Variants in MYO18B observed in about 807,000 individuals in gnomAD.
MYO18B encodes the protein myosin XVIIIB.
MYO18B carries 204 observed loss-of-function variants against 273.0 expected under a neutral mutation model. That is an observed-to-expected ratio of 0.75 (90% CI 0.67 to 0.84). The LOEUF is 0.84. Ranked by LOEUF, MYO18B falls within the 40% of genes least tolerant of loss-of-function variation. MYO18B has a pLI of 0.00. For missense variants in MYO18B, 3,212 were observed against 3,287.6 expected, an observed-to-expected ratio of 0.98 and a Z score of 0.56; for synonymous variants, 1,330 against 1,305.7, an observed-to-expected ratio of 1.02 and a Z score of -0.40.
intron 33 of MYO18B, among the ~76,000 whole-genome samples, chr22:25,919,270 G>A (rs2092306679): frequency 6.6e-6 from 1 of 152,062 alleles, no homozygotes; most frequent in African/African-American, 2.4e-5. Flanking sequence ...CAGAATTAAA[G>A]ACTAAAACAC....
chr22:25,909,864 G>A (rs895286322), intron 32 of MYO18B, among the ~76,000 whole-genome samples: 2 of 152,202 alleles, frequency 1.3e-5, no homozygotes, highest in African/African-American at 4.8e-5. Flanking sequence ...AAGAGCTGGG[G>A]TCAGGAGAGA....
intron 19 of MYO18B, among the ~76,000 whole-genome samples, chr22:25,846,966 G>A (rs571783854): frequency 5.3e-5 from 8 of 151,964 alleles, no homozygotes; most frequent in African/African-American, 9.7e-5. Flanking sequence ...CTGTAGTCCC[G>A]CTACTTGGGA....
intron 5 of MYO18B, 48 bp from the exon 6 acceptor site, chr22:25,770,824 C>T (rs1032473189): frequency 4.8e-5 from 66 of 1,386,864 alleles, no homozygotes; most frequent in Non-Finnish European, 6.4e-5. Flanking sequence ...CCCTCTTCCC[C>T]TCCCATCTCC....
intron 26 of MYO18B, 90 bp downstream of exon 26, chr22:25,890,965 A>G: frequency 1.3e-6 from 2 of 1,500,908 alleles, no homozygotes; most frequent in Admixed American, 2.1e-5. Context: ...GAGATCAGTA[A>G]GCTTAAGCAA....
intron 25 of MYO18B, among the ~76,000 whole-genome samples, chr22:25,879,574 G>A (rs2091284522): frequency 6.6e-6 from 1 of 151,978 alleles, no homozygotes; most frequent in African/African-American, 2.4e-5. Flanking sequence ...GACTTCATGG[G>A]CATGGGTATT....
intron 34 of MYO18B, among the ~76,000 whole-genome samples, chr22:25,936,145 T>A (rs2092575408): frequency 6.6e-6 from 1 of 152,144 alleles, no homozygotes; most frequent in South Asian, 2.1e-4. Context: ...TGGAATATAA[T>A]AAAAGAGGGA....
At position 26,026,335 on chromosome 22, in the gene MYO18B, T is replaced by G. The variant is rs56105006; in HGVS notation, c.6471-110T>G. On this transcript the variant is annotated intron_variant, in intron 42 of 43. Coordinates refer to ENST00000335473, the MANE Select transcript of MYO18B (RefSeq NM_032608.7). ...ATTTGAGAGTGCGGTAGGGATGGTA[T>G]TTCCAAAGAAAAATAATATTAGTGC... 590 of 1,272,330 alleles carry G rather than the reference T, an allele frequency of 4.6e-4. 2 individuals carry two copies. The highest frequency in any genetic ancestry group is 4.9e-4 in the Non-Finnish European group (452 of 921,740). 78.8% of individuals were successfully genotyped at this position (1,272,330 alleles called of 1,614,324 possible).
chr22:25,923,682 T>C lies in MYO18B; in HGVS notation c.5517+2273T>C, dbSNP rs115538233. Among the ~76,000 whole-genome samples, 461 of 152,260 alleles carry C rather than the reference T, an allele frequency of 3.0e-3. 2 individuals are homozygous for C. The highest frequency in any genetic ancestry group is 0.01 in the African/African-American group (434 of 41,552). ...TTGAGGCACCTGGCTTGCTTCTAGG[T>C]AGGCAGAGTTGCTGTGTGATTGCCC... On this transcript the variant is annotated intron_variant, in intron 34 of 43. Coordinates refer to ENST00000335473, the MANE Select transcript of MYO18B (RefSeq NM_032608.7).
intron 1 of MYO18B, among the ~76,000 whole-genome samples, chr22:25,746,779 C>T: frequency 6.6e-6 from 1 of 152,176 alleles, no homozygotes; most frequent in Non-Finnish European, 1.5e-5. Flanking sequence ...TGGCTAGTGG[C>T]TACTGTATTA....
chr22:25,792,366 G>A (rs1300252564), intron 11 of MYO18B, among the ~76,000 whole-genome samples: 1 of 152,068 alleles, frequency 6.6e-6, no homozygotes, highest in Non-Finnish European at 1.5e-5. Context: ...GAAGTGGATT[G>A]GTGAGATGCT....
intron 12 of MYO18B, among the ~76,000 whole-genome samples, chr22:25,819,982 C>T (rs2089202827): frequency 1.3e-5 from 2 of 148,248 alleles, no homozygotes; most frequent in South Asian, 4.5e-4. Flanking sequence ...CCAGGCTTTT[C>T]AACTGTAAAA....
At chr22:26,049,760 C>A in the MYO18B span, among the ~76,000 whole-genome samples, 4 of 152,176 alleles carry the variant, frequency 2.6e-5, no homozygotes, top group African/African-American at 7.2e-5. Context: ...CCTGACCACA[C>A]CTCTGAGTGG....
Position 26,026,600 on chromosome 22 carries a change from A to G in MYO18B, c.6626A>G (p.Glu2209Gly), listed in dbSNP as rs773462719. Residue 2209 changes from glutamate to glycine, a missense_variant, in exon 43 of 44, where the codon GAA (glutamate) becomes GGA (glycine). Physicochemically the swap from Glu to Gly is moderately conservative, Grantham distance 98. Transcript: ENST00000335473. ...RQKYCHFGDGEVLAVQRKSTE... is the reference protein window; with the variant it reads ...RQKYCHFGDGGVLAVQRKSTE... ...AAGTACTGTCATTTTGGGGACGGCG[A>G]AGTGCTTGCCGTCCAGAGAAAGTCC... is the stretch of plus-strand genomic sequence containing the variant. 10 of 1,613,690 alleles carry G rather than the reference A, an allele frequency of 6.2e-6. No homozygotes were observed. In the South Asian group the frequency reaches 1.1e-4, roughly 18 times the overall value.
chr22:25,793,174 A>G (rs1166246640), intron 11 of MYO18B, among the ~76,000 whole-genome samples: 2 of 152,202 alleles, frequency 1.3e-5, no homozygotes. Flanking sequence ...TGCTTTACAC[A>G]CATAAACTCA....
At chr22:25,887,357 C>T (rs924746314) in intron 25 of MYO18B, among the ~76,000 whole-genome samples, 11 of 152,136 alleles carry the variant, frequency 7.2e-5, no homozygotes, top group African/African-American at 2.7e-4. Context: ...ACTGCTCGCC[C>T]AAGCTGCAAA....
intron 11 of MYO18B, among the ~76,000 whole-genome samples, chr22:25,793,439 A>G (rs1212702209): frequency 6.6e-6 from 1 of 152,108 alleles, no homozygotes; most frequent in Non-Finnish European, 1.5e-5. Flanking sequence ...AGGTCTTGCT[A>G]TGTTGCCCAG....
At chr22:26,036,715 C>A in the MYO18B span, among the ~76,000 whole-genome samples, 2 of 152,142 alleles carry the variant, frequency 1.3e-5, no homozygotes, top group Non-Finnish European at 2.9e-5. Flanking sequence ...ACCAAAAGCC[C>A]TTGGTCTTCC....
chr22:25,910,979 T>G lies in MYO18B; in HGVS notation c.5293T>G (p.Tyr1765Asp). ...GCTGGAAATGCAGCTGGAGCAAGAG[T>G]ATGAAGAGAAGCAGATGGTCCTCCA... ...HQLEMQLEQE[Y>D]EEKQMVLHEK... Residue 1765 changes from tyrosine to aspartate, a missense_variant, in exon 33 of 44, where the codon TAT becomes GAT. Coordinates refer to ENST00000335473, the MANE Select transcript of MYO18B (RefSeq NM_032608.7). 6.2e-7 allele frequency: 1 copy of G among 1,602,318 alleles called. No individual in the cohort carries two copies. Among genetic ancestry groups the G allele is most frequent in the East Asian group, 2.2e-5 (1 of 44,540 alleles).
chr22:25,805,846 G>A (rs1311004757), intron 12 of MYO18B, among the ~76,000 whole-genome samples: 1 of 152,138 alleles, frequency 6.6e-6, no homozygotes, highest in East Asian at 1.9e-4. Flanking sequence ...ACTTCCCTTT[G>A]TCAACCCCTC....
Sources: allele counts gnomAD v4.1 joint callset (sites outside exome capture counted in the v4.1 genomes callset), GRCh38; gene constraint gnomAD v4.1.1; transcripts MANE v1.5; gene names NCBI Gene and HGNC (gene_info 2026-07-23, HGNC 2026-07-21).